Variants in PAX6 observed in about 807,000 individuals in gnomAD.
The protein encoded by PAX6 is paired box protein Pax-6.
PAX6 carries 7 observed loss-of-function variants against 60.7 expected under a neutral mutation model. That is an observed-to-expected ratio of 0.12 (90% confidence interval 0.07 to 0.22). The LOEUF is 0.22. PAX6 is among the 10% of genes least tolerant of loss of function. PAX6 has a pLI of 1.00. For missense variants in PAX6, 355 were observed against 555.2 expected (o/e 0.64, Z 3.62); for synonymous variants, 208 against 201.2 (o/e 1.03, Z -0.29).
upstream of PAX6, among the ~76,000 whole-genome samples, chr11:31,813,676 G>A (rs918050952): frequency 6.6e-6 from 1 of 152,120 alleles, no homozygotes; most frequent in East Asian, 1.9e-4. Context: ...GGGGCTCCGG[G>A]AAAGACTCCT....
In PAX6 at chr11:31,802,919, A is replaced by G. The variant is rs1592566340; in HGVS notation, c.11-85T>C. 8.3e-6 allele frequency: 11 copies of G among 1,323,600 alleles called. No homozygotes were observed. In the East Asian group the frequency reaches 2.4e-4, roughly 29 times the overall value. The allele number at this position is 1,323,600 out of a possible 1,614,324, so 82.0% of individuals were successfully genotyped here. A position where few individuals can be genotyped will look rare whatever the true frequency, so the allele number is the denominator to read the frequency against. ...AAGAAGAGGGAGAAGAAGGAAGAGG[A>G]AGATGAGGGAGAACAAGAACAGAAA... On this transcript the variant is annotated intron_variant, in intron 4 of 13. Coordinates refer to ENST00000640368, the MANE Select transcript of PAX6 (RefSeq NM_001368894.2).
upstream of PAX6, chr11:31,815,029 T>TCTCTCTCTCTCTCTCTCTCTCTCTCTC (rs1491542936): frequency 7.0e-6 from 1 of 143,616 alleles, no homozygotes; most frequent in African/African-American, 2.6e-5. Flanking sequence ...TCTCTCTCTC[T>TCTCTCTCTCTCTCTCTCTCTCTCTCTC]TTCTCTCTCT....
At chr11:31,798,966 T>C (rs1455389200) in intron 8 of PAX6, among the ~76,000 whole-genome samples, 1 of 152,238 alleles carries the variant, frequency 6.6e-6, no homozygotes, top group Non-Finnish European at 1.5e-5. Flanking sequence ...GTGGAGGCTC[T>C]GGGCTCAGCC....
Position 31,789,938 on chromosome 11 carries a change from T to G in PAX6, c.1307A>C (p.Gln436Pro). The change falls in exon 14 of 14, where the codon CAG (glutamine) becomes CCG (proline). Residue 436 changes from glutamine to proline, a missense_variant. Gln to Pro is a moderately conservative substitution (Grantham distance 76, BLOSUM62 -1). Coordinates refer to ENST00000640368, the MANE Select transcript of PAX6 (RefSeq NM_001368894.2). The part of the protein sequence containing the change: ...PDMSQYWPRL[Q>P] ...TTTTTTTTTTTTTTTTTTTTTTTACTGTAATCTTGGCCAGTATTGAGACAT... is the reference window on the plus strand; with the variant it reads ...TTTTTTTTTTTTTTTTTTTTTTTACGGTAATCTTGGCCAGTATTGAGACAT... The G allele has an allele frequency of 6.9e-7, 1 of 1,438,980 alleles. No individual in the cohort carries two copies. The highest frequency in any genetic ancestry group is 9.6e-7 in the Non-Finnish European group (1 of 1,042,874). 89.1% of individuals were successfully genotyped at this position (1,438,980 alleles called of 1,614,324 possible). A position where few individuals can be genotyped will look rare whatever the true frequency, so the allele number is the denominator to read the frequency against.
At chr11:31,795,416 C>T (rs569833674) in intron 8 of PAX6, among the ~76,000 whole-genome samples, 44 of 152,282 alleles carry the variant, frequency 2.9e-4, no homozygotes, top group African/African-American at 1.1e-3. Flanking sequence ...ATTACGAGCA[C>T]AGCTGTAATT....
At chr11:31,790,417 C>T (rs1192219439) in intron 13 of PAX6, 7 of 1,305,010 alleles carry the variant, frequency 5.4e-6, no homozygotes, top group South Asian at 1.6e-5. Context: ...GCTCAGTGGG[C>T]CCCCTACTGA....
chr11:31,815,481 G>C (rs1041700533), upstream of PAX6, among the ~76,000 whole-genome samples: 3 of 152,160 alleles, frequency 2.0e-5, no homozygotes, highest in Admixed American at 2.0e-4. Flanking sequence ...CCTGGGAACA[G>C]GCAGGCGGGA....
intron 7 of PAX6, chr11:31,801,154 A>G (rs1592536341): frequency 8.9e-7 from 1 of 1,120,296 alleles, no homozygotes; most frequent in Non-Finnish European, 1.2e-6. Context: ...CCCGAAAATA[A>G]AAACTATTTA....
At chr11:31,792,247 C>T (rs1416855199) in intron 12 of PAX6, 2 of 152,244 alleles carry the variant, frequency 1.3e-5, no homozygotes, top group African/African-American at 4.8e-5. Flanking sequence ...GGCAACCTGA[C>T]TTCTGGAAAA....
At position 31,802,994 on chromosome 11, in the gene PAX6, C is replaced by T. The variant is rs531878112; in HGVS notation, c.11-160G>A. ...GAAGGAGAGGAGGAGGAGACAACCA[C>T]AATGCATCCTCATCCCCCTGCCAAC... On this transcript the variant is annotated intron_variant, in intron 4 of 13. Coordinates refer to ENST00000640368, the MANE Select transcript of PAX6 (RefSeq NM_001368894.2). 6 of 768,990 alleles carry T rather than the reference C, an allele frequency of 7.8e-6. No individual in the cohort carries two copies. The South Asian group carries it at 9.4e-5, about 12-fold the overall frequency. The allele number at this position is 768,990 out of a possible 1,614,324, so 47.6% of individuals were successfully genotyped here. A position where few individuals can be genotyped will look rare whatever the true frequency, so the allele number is the denominator to read the frequency against.
intron 2 of PAX6, chr11:31,810,571 CGCTGGCGCTGGG>C (rs1256942942): frequency 1.7e-5 from 5 of 293,122 alleles, no homozygotes; most frequent in Non-Finnish European, 3.1e-5. Context: ...CTGGCGCTGG[CGCTGGCGCTGGG>C]GCTGAGCTGG....
chr11:31,802,261 C>G, intron 5 of PAX6: 1 of 338,716 alleles, frequency 3.0e-6, no homozygotes, highest in East Asian at 7.0e-5. Context: ...TAGCATTTGC[C>G]TTTTAAAATC....
At chr11:31,807,644 C>T (rs1226232215) in intron 2 of PAX6, 2 of 152,356 alleles carry the variant, frequency 1.3e-5, no homozygotes, top group Non-Finnish European at 1.5e-5. Flanking sequence ...CGCCTCACTG[C>T]TTTAAAAAGT....
At chr11:31,793,912 A>G in intron 10 of PAX6, 110 bp from the exon 11 acceptor site, 1 of 1,371,294 alleles carries the variant, frequency 7.3e-7, no homozygotes, top group South Asian at 1.2e-5. Flanking sequence ...CATTTAGCAG[A>G]CTGAACCTTT....
chr11:31,789,597 T>C lies in PAX6; in HGVS notation c.*337A>G, dbSNP rs954349552. The C allele has an allele frequency of 3.3e-6, 2 of 606,160 alleles. No individual in the cohort carries two copies. Among genetic ancestry groups the C allele is most frequent in the African/African-American group, 1.9e-5 (1 of 53,250 alleles). The allele number at this position is 606,160 out of a possible 1,614,324, so 37.5% of individuals were successfully genotyped here. ...CTTTTTAAAAAAAAAAAAAACAACT[T>C]CATGACCAACACAGATCAAACATCC... On this transcript the variant is annotated 3_prime_UTR_variant, in exon 14 of 14. Transcript: ENST00000640368.
intron 1 of PAX6, chr11:31,816,700 G>A: frequency 1.8e-5 from 10 of 545,944 alleles, no homozygotes; most frequent in South Asian, 9.6e-5. Context: ...AGGTGAGCAG[G>A]GGGCGCCACC....
intron 8 of PAX6, among the ~76,000 whole-genome samples, chr11:31,799,193 C>T (rs989474566): frequency 6.6e-6 from 1 of 152,170 alleles, no homozygotes; most frequent in Non-Finnish European, 1.5e-5. Flanking sequence ...GATGGGGTTG[C>T]CTACACTCGG....
At chr11:31,800,569 T>C (rs1953366643) in intron 8 of PAX6, 122 bp downstream of exon 8, 1 of 1,196,296 alleles carries the variant, frequency 8.4e-7, no homozygotes, top group African/African-American at 1.5e-5. Flanking sequence ...GGCCTTCAAA[T>C]GCAGTCTCAC....
upstream of PAX6, among the ~76,000 whole-genome samples, chr11:31,815,882 G>C (rs1284836251): frequency 2.6e-5 from 4 of 152,104 alleles, no homozygotes; most frequent in Non-Finnish European, 1.5e-5. Context: ...GGGGAAAACC[G>C]CTGCCCGGGG....
Sources: allele counts gnomAD v4.1 joint callset (sites outside exome capture counted in the v4.1 genomes callset), GRCh38; gene constraint gnomAD v4.1.1; transcripts MANE v1.5; gene names NCBI Gene and HGNC (gene_info 2026-07-23, HGNC 2026-07-21).